Variants in SLCO3A1 observed in about 807,000 individuals in gnomAD.
SLCO3A1 encodes PGE1 transporter.
Under a neutral mutation model 63.1 loss-of-function variants are expected in SLCO3A1, and 27 were observed. The observed-to-expected ratio is 0.43, with a 90% confidence interval of 0.32 to 0.59. The LOEUF (loss-of-function observed/expected upper bound fraction) is 0.59. Among genes scored for constraint, SLCO3A1 ranks in the 20% least tolerant of loss-of-function variants. The pLI, the probability that SLCO3A1 is intolerant of heterozygous loss-of-function variation, is 0.09. For missense variants in SLCO3A1, 773 were observed against 945.8 expected, an observed-to-expected ratio of 0.82 and a Z score of 2.40; for synonymous variants, 473 against 409.9, an observed-to-expected ratio of 1.15 and a Z score of -1.86.
rs773744339 is a variant in SLCO3A1 at position 92,128,446 on chromosome 15, G to A, written c.1469G>A (p.Gly490Asp). The A allele has an allele frequency of 3.1e-6, 5 of 1,613,966 alleles. No individual in the cohort carries two copies. Among genetic ancestry groups the A allele is most frequent in the Non-Finnish European group, 8.5e-7 (1 of 1,179,928 alleles). ...DSFTPVCGAD[G>D]ITYLSACFAG... ...TTCACTCCAGTGTGTGGGGCAGATG[G>A]CATCACCTACCTGTCTGCCTGCTTT... The change falls in exon 7 of 10, where the codon GGC (glycine) becomes GAC (aspartate). Residue 490 changes from glycine (G) to aspartate (D), a missense_variant. Physicochemically the swap from Gly to Asp is moderately conservative, Grantham distance 94. This residue lies in a region of SLCO3A1 where 565 missense variants were observed against 749.8 expected (regional missense o/e 0.75). Coordinates refer to ENST00000318445, the MANE Select transcript of SLCO3A1 (RefSeq NM_013272.4).
At chr15:91,966,400 A>G (rs1900663099) in intron 2 of SLCO3A1, among the ~76,000 whole-genome samples, 1 of 152,238 alleles carries the variant, frequency 6.6e-6, no homozygotes, top group Admixed American at 6.5e-5. Flanking sequence ...TGGCCTGTGT[A>G]CAAGTTCCCA....
intron 2 of SLCO3A1, among the ~76,000 whole-genome samples, chr15:91,940,638 C>T (rs1899587715): frequency 1.3e-5 from 2 of 152,164 alleles, no homozygotes; most frequent in South Asian, 4.1e-4. Context: ...CAAAAAACCC[C>T]TGACACACAC....
intron 7 of SLCO3A1, among the ~76,000 whole-genome samples, chr15:92,130,896 A>C (rs1596128384): frequency 6.6e-6 from 1 of 151,414 alleles, no homozygotes; most frequent in Non-Finnish European, 1.5e-5. Context: ...AAAAAAAAAA[A>C]AAAAAAAAAA....
rs1430009486 is a variant in SLCO3A1, at chr15:91,894,224, G to A, written c.181-21769G>A. ...ATATGGGATGGTGGTAGGAAATGAG[G>A]TTGGAGAGGAGGGCAGGGGTGGGGG... is the stretch of plus-strand genomic sequence containing the variant. On this transcript the variant is annotated intron_variant, in intron 1 of 9. Coordinates refer to ENST00000318445, the MANE Select transcript of SLCO3A1 (RefSeq NM_013272.4). This position sits in a 1 kb window ranked among gnomAD's most constrained non-coding sequence, Gnocchi z 4.8. Among the ~76,000 whole-genome samples the A allele has an allele frequency of 3.3e-5, 5 of 152,012 alleles. No individual in the cohort carries two copies. Among genetic ancestry groups the A allele is most frequent in the Non-Finnish European group, 7.4e-5 (5 of 68,006 alleles).
At chr15:92,062,237 C>T (rs1318009294) in intron 2 of SLCO3A1, among the ~76,000 whole-genome samples, 1 of 152,128 alleles carries the variant, frequency 6.6e-6, no homozygotes, top group Non-Finnish European at 1.5e-5. Flanking sequence ...AAAGTTTTTG[C>T]AAAATGAGTG....
chr15:91,968,639 G>T lies in SLCO3A1; in HGVS notation c.646+52181G>T, dbSNP rs1216392212. Among the ~76,000 whole-genome samples the T allele has an allele frequency of 2.0e-5, 3 of 152,178 alleles. No homozygotes were observed. Among genetic ancestry groups the T allele is most frequent in the African/African-American group, 7.2e-5 (3 of 41,454 alleles). ...AGAAACAAGCGACCCCTGCTTCCAT[G>T]TGAAGCTTCATTCCCCAACCCATTC... is the stretch of plus-strand genomic sequence containing the variant. On this transcript the variant is annotated intron_variant, in intron 2 of 9. Coordinates refer to ENST00000318445, the MANE Select transcript of SLCO3A1 (RefSeq NM_013272.4). The surrounding 1 kb of genome is among the most constrained non-coding windows in gnomAD (Gnocchi z 4.2).
At position 92,147,059 on chromosome 15, in the gene SLCO3A1, C is replaced by T; in HGVS notation, c.1588C>T (p.Pro530Ser). ...ATVVPGKCPS[P>S]GCQEAFLTFL... ...CGTGGTTCCTGGAAAATGCCCCAGT[C>T]CTGGGTGCCAAGAGGCCTTCCTCAC... Residue 530 changes from proline to serine, a missense_variant, in exon 8 of 10, where the codon CCT becomes TCT. Pro to Ser is a moderately conservative substitution (Grantham distance 74). Transcript: ENST00000318445. 1.9e-6 allele frequency: 3 copies of T among 1,614,176 alleles called. No homozygotes were observed. Among genetic ancestry groups the T allele is most frequent in the South Asian group, 2.2e-5 (2 of 91,076 alleles).
chr15:91,891,279 A>G (rs945081275), intron 1 of SLCO3A1, among the ~76,000 whole-genome samples: 2 of 152,192 alleles, frequency 1.3e-5, no homozygotes, highest in African/African-American at 4.8e-5. Flanking sequence ...TGTCAGCTCC[A>G]TTTAGGACTA....
chr15:91,887,397 T>C (rs7175096), intron 1 of SLCO3A1, among the ~76,000 whole-genome samples: 43,028 of 151,868 alleles, frequency 0.28, 6,454 homozygotes, highest in East Asian at 0.38. Flanking sequence ...CCCTCTTTGC[T>C]TGCCTGCCTG....
At chr15:92,036,203 G>A (rs577519923) in intron 2 of SLCO3A1, among the ~76,000 whole-genome samples, 1 of 152,134 alleles carries the variant, frequency 6.6e-6, no homozygotes, top group East Asian at 1.9e-4. Flanking sequence ...AGTGGATCTT[G>A]CCTGGAGCAC....
chr15:92,093,876 C>G (rs1309060216), intron 2 of SLCO3A1, among the ~76,000 whole-genome samples: 1 of 152,084 alleles, frequency 6.6e-6, no homozygotes, highest in Non-Finnish European at 1.5e-5. Flanking sequence ...AAGTGACATT[C>G]ATCTCTCACC....
chr15:92,158,283 G>A (rs1197163196), intron 9 of SLCO3A1, among the ~76,000 whole-genome samples: 1 of 152,156 alleles, frequency 6.6e-6, no homozygotes, highest in Non-Finnish European at 1.5e-5. Context: ...CAGGAGCTTA[G>A]CAAAAGGGTA....
chr15:91,880,158 C>CTATCTATCTATCTATCT (rs1555446402), intron 1 of SLCO3A1, among the ~76,000 whole-genome samples: 5 of 130,788 alleles, frequency 3.8e-5, no homozygotes, highest in African/African-American at 1.7e-4. Context: ...TCCATCCATC[C>CTATCTATCTATCTATCT]ATCCATCCAT....
intron 3 of SLCO3A1, among the ~76,000 whole-genome samples, chr15:92,100,951 T>A (rs1474453942): frequency 6.6e-6 from 1 of 152,194 alleles, no homozygotes; most frequent in Non-Finnish European, 1.5e-5. Context: ...TATGTCCCCT[T>A]GCTCACATTT....
intron 2 of SLCO3A1, among the ~76,000 whole-genome samples, chr15:91,920,091 A>G (rs982261101): frequency 2.0e-5 from 3 of 152,350 alleles, no homozygotes; most frequent in Middle Eastern, 6.8e-3. Context: ...AATACTTTCT[A>G]TAGTTGGACA....
intron 2 of SLCO3A1, among the ~76,000 whole-genome samples, chr15:92,004,773 C>A (rs1412848653): frequency 6.6e-6 from 1 of 152,116 alleles, no homozygotes; most frequent in South Asian, 2.1e-4. Context: ...GCATTAGTCC[C>A]GACTGAAATC....
At chr15:92,076,797 C>T (rs1205388824) in intron 2 of SLCO3A1, among the ~76,000 whole-genome samples, 2 of 152,138 alleles carry the variant, frequency 1.3e-5, no homozygotes, top group Admixed American at 6.5e-5. Context: ...GTCAGGAAGC[C>T]TGTGAGGGTT....
chr15:92,138,025 T>A (rs1478551224), intron 7 of SLCO3A1, among the ~76,000 whole-genome samples: 7 of 109,894 alleles, frequency 6.4e-5, no homozygotes, highest in Admixed American at 2.9e-4. Context: ...TTGCTTTTGG[T>A]GTTTTGGACA....
chr15:92,066,611 G>T (rs1473869455), intron 2 of SLCO3A1, among the ~76,000 whole-genome samples: 1 of 151,448 alleles, frequency 6.6e-6, no homozygotes, highest in Non-Finnish European at 1.5e-5. Context: ...TGGACAGGTT[G>T]CTTATAGAAG....
Sources: allele counts gnomAD v4.1 joint callset (sites outside exome capture counted in the v4.1 genomes callset), GRCh38; gene constraint gnomAD v4.1.1; regional missense constraint gnomAD v4.1.1; non-coding constraint Gnocchi (gnomAD v3.1); transcripts MANE v1.5; gene names NCBI Gene and HGNC (gene_info 2026-07-23, HGNC 2026-07-21).